The following CHD7 variants were observed in gnomAD, a reference collection of about 807,000 sequenced individuals.
The protein encoded by CHD7 is ATP-dependent chromatin remodeler CHD7.
Under a neutral mutation model 307.3 loss-of-function variants are expected in CHD7, and 24 were observed. The ratio of observed to expected loss-of-function variants is 0.08; its 90% confidence interval spans 0.06 to 0.11. CHD7 has a LOEUF of 0.11. Among genes scored for constraint, CHD7 ranks in the 10% least tolerant of loss-of-function variants. CHD7 has a pLI of 1.00. For missense variants in CHD7, 3,106 were observed against 3,727.1 expected, an observed-to-expected ratio of 0.83 and a Z score of 4.34; for synonymous variants, 1,363 against 1,349.9, an observed-to-expected ratio of 1.01 and a Z score of -0.21.
At chr8:60,687,745 ATAGG>A (rs1162733486) in intron 1 of CHD7, among the ~76,000 whole-genome samples, 1 of 152,202 alleles carries the variant, frequency 6.6e-6, no homozygotes, top group African/African-American at 2.4e-5. Flanking sequence ...ACTCTAGGTA[ATAGG>A]TAGAACTATT....
intron 6 of CHD7, among the ~76,000 whole-genome samples, chr8:60,807,787 C>T (rs535994823): frequency 6.6e-6 from 1 of 152,342 alleles, no homozygotes; most frequent in South Asian, 2.1e-4. Context: ...TAAAACATTA[C>T]AAAACCCACA....
intron 5 of CHD7, 33 bp downstream of exon 5, chr8:60,800,558 A>G: frequency 6.6e-7 from 1 of 1,518,982 alleles, no homozygotes; most frequent in Non-Finnish European, 8.8e-7. Flanking sequence ...TTATGGATGC[A>G]TTTTAAAGAT....
rs551945987 is a variant in CHD7, at chr8:60,767,646, C to T, written c.1666-13354C>T. Among the ~76,000 whole-genome samples, 4 of 152,308 alleles carry T rather than the reference C, an allele frequency of 2.6e-5. No homozygotes were observed. The South Asian group carries it at 8.3e-4, about 32-fold the overall frequency. On this transcript the variant is annotated intron_variant, in intron 2 of 37. Coordinates refer to ENST00000423902, the MANE Select transcript of CHD7 (RefSeq NM_017780.4). The stretch of plus-strand genomic sequence containing the variant: ...GTCCCCAGAGGCTTCCTGTCCTTAA[C>T]TCCCTGAAGTCAATGCTGTCTCCCT...
At chr8:60,860,523 C>G (rs1232573381) in intron 34 of CHD7, among the ~76,000 whole-genome samples, 19 of 152,250 alleles carry the variant, frequency 1.2e-4, no homozygotes, top group Non-Finnish European at 1.5e-5. Flanking sequence ...CAACCTCTAC[C>G]TCCTGATTTC....
At chr8:60,858,969 T>G (rs115783053) in intron 34 of CHD7, among the ~76,000 whole-genome samples, 1,814 of 152,352 alleles carry the variant, frequency 0.012, 40 homozygotes, top group African/African-American at 0.041. Context: ...ACACACGTGC[T>G]TTTTTCCTAT....
chr8:60,796,603 A>AT, intron 4 of CHD7, among the ~76,000 whole-genome samples: 1 of 128,738 alleles, frequency 7.8e-6, no homozygotes. Flanking sequence ...ACCTTATGAA[A>AT]TACTAGCTTT....
At chr8:60,773,875 TA>T (rs1424378243) in intron 2 of CHD7, among the ~76,000 whole-genome samples, 1 of 152,232 alleles carries the variant, frequency 6.6e-6, no homozygotes, top group African/African-American at 2.4e-5. Flanking sequence ...TATCTTTGGG[TA>T]AAAGGTTAGT....
chr8:60,819,970 A>G, intron 8 of CHD7, 37 bp from the exon 9 acceptor site: 4 of 1,357,238 alleles, frequency 2.9e-6, no homozygotes, highest in Non-Finnish European at 4.1e-6. Context: ...TTAGGAAATA[A>G]GTAAACCTTT....
intron 1 of CHD7, among the ~76,000 whole-genome samples, chr8:60,716,354 G>T (rs1055645748): frequency 1.3e-5 from 2 of 152,188 alleles, no homozygotes; most frequent in African/African-American, 4.8e-5. Flanking sequence ...CAAAACCTCA[G>T]CCCTCACAGA....
intron 1 of CHD7, among the ~76,000 whole-genome samples, chr8:60,714,596 G>A (rs1807483540): frequency 1.3e-5 from 2 of 152,202 alleles, no homozygotes; most frequent in South Asian, 2.1e-4. Context: ...TGGCCACACT[G>A]CCCCCCACTT....
intron 1 of CHD7, among the ~76,000 whole-genome samples, chr8:60,696,925 G>A (rs775931957): frequency 3.3e-5 from 5 of 150,582 alleles, no homozygotes; most frequent in Admixed American, 2.0e-4. Context: ...AGTAAGTTAC[G>A]TTTAATTGGA....
chr8:60,762,654 T>C (rs770095236), intron 2 of CHD7, among the ~76,000 whole-genome samples: 18 of 152,174 alleles, frequency 1.2e-4, no homozygotes, highest in Non-Finnish European at 2.5e-4. Flanking sequence ...GATGCCACAT[T>C]ATTACTATTT....
intron 34 of CHD7, among the ~76,000 whole-genome samples, chr8:60,858,594 G>T (rs1482957229): frequency 6.6e-6 from 1 of 152,038 alleles, no homozygotes; most frequent in Non-Finnish European, 1.5e-5. Flanking sequence ...ATATTTGTAG[G>T]TTTTTTTGTT....
intron 1 of CHD7, among the ~76,000 whole-genome samples, chr8:60,718,942 AG>A (rs796506784): frequency 6.6e-5 from 10 of 152,344 alleles, no homozygotes; most frequent in African/African-American, 2.2e-4. Context: ...AGTTGCCTAC[AG>A]TATTCTGTAA....
In CHD7 at chr8:60,836,258, C is replaced by T; in HGVS notation, c.3964C>T (p.Leu1322=). The part of the protein sequence containing the change: ...FSQMVRCLDI[L]EDYLIQRRYP... ...CCAGATGGTGCGCTGCTTGGACATA[C>T]TGGAAGACTACCTCATTCAAAGACG... is the stretch of plus-strand genomic sequence containing the variant. Residue 1322 remains leucine, a synonymous_variant, in exon 16 of 38, where the codon CTG becomes TTG. Transcript: ENST00000423902. 1 of 1,613,888 alleles carries T rather than the reference C, an allele frequency of 6.2e-7. No homozygotes were observed. The highest frequency in any genetic ancestry group is 8.5e-7 in the Non-Finnish European group (1 of 1,179,848).
chr8:60,862,097 A>G (rs1050904976), intron 35 of CHD7, 99 bp from the exon 36 acceptor site: 1 of 903,922 alleles, frequency 1.1e-6, no homozygotes, highest in Non-Finnish European at 1.6e-6. Context: ...TGAAACTTCC[A>G]TAATAATTGA....
chr8:60,811,648 A>G (rs1359468166), intron 7 of CHD7, among the ~76,000 whole-genome samples: 1 of 152,112 alleles, frequency 6.6e-6, no homozygotes, highest in Non-Finnish European at 1.5e-5. Context: ...TCTCATACAT[A>G]TCTATATATT....
intron 7 of CHD7, 27 bp from the exon 8 acceptor site, chr8:60,816,360 T>G: frequency 1.7e-6 from 2 of 1,187,358 alleles, no homozygotes; most frequent in Non-Finnish European, 2.5e-6. Flanking sequence ...TTCTACATAT[T>G]TCAAGGATAT....
chr8:60,840,014 A>G (rs1804898892), intron 19 of CHD7, among the ~76,000 whole-genome samples: 1 of 152,256 alleles, frequency 6.6e-6, no homozygotes, highest in Non-Finnish European at 1.5e-5. Context: ...GTTCATATAA[A>G]TGGAATCATA....
Sources: gnomAD v4.1 joint callset for allele counts (sites outside exome capture counted in the v4.1 genomes callset) on GRCh38, gnomAD v4.1.1 for gene constraint, MANE v1.5 for transcripts, NCBI Gene and HGNC (gene_info 2026-07-23, HGNC 2026-07-21) for gene names.